Variants in NTRK2 observed in about 807,000 individuals in gnomAD.
NTRK2 encodes the protein BDNF/NT-3 growth factors receptor.
A neutral mutation model predicts 94.5 loss-of-function variants in NTRK2; 13 were observed. That is an observed-to-expected ratio of 0.14 (90% CI 0.09 to 0.22). The LOEUF (loss-of-function observed/expected upper bound fraction) is 0.22. NTRK2 is among the 10% of genes least tolerant of loss of function. NTRK2 has a pLI of 1.00. For missense variants in NTRK2, 639 were observed against 1,071.2 expected, an observed-to-expected ratio of 0.60 and a Z score of 5.63; for synonymous variants, 372 against 407.4, an observed-to-expected ratio of 0.91 and a Z score of 1.05.
At chr9:84,709,336 A>G (rs766575361) in intron 5 of NTRK2, among the ~76,000 whole-genome samples, 9 of 152,180 alleles carry the variant, frequency 5.9e-5, no homozygotes, top group Non-Finnish European at 1.0e-4. Context: ...TGAGTTAATG[A>G]TATCTTCTTT....
At chr9:84,881,883 G>A (rs560881026) in intron 14 of NTRK2, among the ~76,000 whole-genome samples, 19 of 152,268 alleles carry the variant, frequency 1.2e-4, no homozygotes, top group Non-Finnish European at 8.8e-5. Context: ...AAAGCTTTAT[G>A]TTTTGTATTA....
intron 14 of NTRK2, among the ~76,000 whole-genome samples, chr9:84,884,148 A>G (rs1383684933): frequency 6.6e-6 from 1 of 152,250 alleles, no homozygotes; most frequent in Non-Finnish European, 1.5e-5. Flanking sequence ...CTACATAATG[A>G]ATTCTGCTTC....
At position 84,813,314 on chromosome 9, in the gene NTRK2, T is replaced by A. The variant is rs41277889; in HGVS notation, c.1397-47726T>A. ...TAGGTTTCCAAATCTTGTGATTCTT[T>A]AGGAGAAACATGAAACCTGGATTTC... is the stretch of plus-strand genomic sequence containing the variant. On this transcript the variant is annotated intron_variant, in intron 12 of 18. Transcript: ENST00000277120. 3,404 of 1,018,918 alleles carry A rather than the reference T, an allele frequency of 3.3e-3. 7 individuals are homozygous for A. The highest frequency in any genetic ancestry group is 3.3e-3 in the Non-Finnish European group (2,784 of 839,478). 63.1% of individuals were successfully genotyped at this position (1,018,918 alleles called of 1,614,324 possible). A position where few individuals can be genotyped will look rare whatever the true frequency, so the allele number is the denominator to read the frequency against.
intron 17 of NTRK2, among the ~76,000 whole-genome samples, chr9:85,018,017 A>AT (rs370393123): frequency 1.9e-3 from 290 of 150,294 alleles, no homozygotes; most frequent in African/African-American, 5.8e-3. Flanking sequence ...CATCTTACCC[A>AT]TTTTTTTTTG....
At chr9:85,010,884 G>T (rs1421386087) in intron 17 of NTRK2, among the ~76,000 whole-genome samples, 1 of 152,122 alleles carries the variant, frequency 6.6e-6, no homozygotes, top group Non-Finnish European at 1.5e-5. Flanking sequence ...TTTAAATTGT[G>T]TACAGTATAC....
chr9:85,004,019 GAGAA>G lies in NTRK2; in HGVS notation c.2173-16175_2173-16172del, dbSNP rs1216247752. 9.9e-4 allele frequency among the ~76,000 whole-genome samples: 48 copies of G among 48,408 alleles called. 4 individuals are homozygous for G. Among genetic ancestry groups the G allele is most frequent in the African/African-American group, 1.8e-3 (19 of 10,616 alleles). The allele number at this position is 48,408 out of a possible 152,430, so 31.8% of individuals were successfully genotyped here. On this transcript the variant is annotated intron_variant, in intron 17 of 18. Coordinates refer to ENST00000277120, the MANE Select transcript of NTRK2 (RefSeq NM_006180.6). ...AAGAAAGAAAGAAAGAAAAGAAAGA[GAGAA>G]AGAAAGAAAGAGAGAAAGAAAGGGA...
chr9:84,903,565 A>G (rs2076992939), intron 14 of NTRK2, among the ~76,000 whole-genome samples: 1 of 152,188 alleles, frequency 6.6e-6, no homozygotes, highest in African/African-American at 2.4e-5. Context: ...TTTCAATAGG[A>G]AAGGAGGCCA....
intron 17 of NTRK2, among the ~76,000 whole-genome samples, chr9:84,984,983 G>A (rs943349336): frequency 6.6e-6 from 1 of 152,202 alleles, no homozygotes; most frequent in African/African-American, 2.4e-5. Context: ...TATAGACTAT[G>A]AGTGTGACTT....
intron 17 of NTRK2, among the ~76,000 whole-genome samples, chr9:84,972,578 G>A (rs1274653125): frequency 2.0e-5 from 3 of 152,160 alleles, no homozygotes; most frequent in Non-Finnish European, 4.4e-5. Flanking sequence ...ATGCTCAAAT[G>A]TGTTATATAC....
At position 84,923,811 on chromosome 9, in the gene NTRK2, G is replaced by A. The variant is rs146633037; in HGVS notation, c.1634-10351G>A. Among the ~76,000 whole-genome samples the A allele has an allele frequency of 2.2e-3, 333 of 152,096 alleles. 2 individuals are homozygous for A. Among genetic ancestry groups the A allele is most frequent in the Middle Eastern group, 0.02 (6 of 294 alleles). On this transcript the variant is annotated intron_variant, in intron 14 of 18. Coordinates refer to ENST00000277120, the MANE Select transcript of NTRK2 (RefSeq NM_006180.6). Reference sequence around the variant, plus strand: ...CACACCTAAAAAATCCCAATTACTCGGGAGGTTGAGCCCGGGAGGCGGAGG... The same window carrying A: ...CACACCTAAAAAATCCCAATTACTCAGGAGGTTGAGCCCGGGAGGCGGAGG...
chr9:84,893,094 C>A lies in NTRK2; in HGVS notation c.1633+25663C>A, dbSNP rs1007298226. ...TACTATTCTATGAGCTTGGTGAATA[C>A]ATGTTCCTGTGTAACCATAACCCCT... On this transcript the variant is annotated intron_variant, in intron 14 of 18. Transcript: ENST00000277120. 4.6e-5 allele frequency among the ~76,000 whole-genome samples: 7 copies of A among 152,144 alleles called. No individual in the cohort carries two copies. In the South Asian group the frequency reaches 6.2e-4, roughly 14 times the overall value.
intron 14 of NTRK2, among the ~76,000 whole-genome samples, chr9:84,926,165 C>G (rs201414565): frequency 2.0e-3 from 98 of 48,420 alleles, no homozygotes; most frequent in African/African-American, 6.1e-3. Context: ...TTCCTTCCTT[C>G]CTTCCTTTCT....
chr9:85,018,691 T>C (rs1005282172), intron 17 of NTRK2, among the ~76,000 whole-genome samples: 9 of 152,232 alleles, frequency 5.9e-5, no homozygotes, highest in African/African-American at 1.9e-4. Flanking sequence ...ACTACCCACA[T>C]CCTTTCTGGT....
At chr9:84,958,351 T>C (rs572245349) in intron 17 of NTRK2, among the ~76,000 whole-genome samples, 1 of 152,372 alleles carries the variant, frequency 6.6e-6, no homozygotes, top group South Asian at 2.1e-4. Context: ...CGGTCATTTA[T>C]TTACACATTG....
chr9:84,709,959 CTCTG>C (rs1268457228), intron 5 of NTRK2, among the ~76,000 whole-genome samples: 4,321 of 116,414 alleles, frequency 0.037, 109 homozygotes, highest in African/African-American at 0.072. Context: ...GAATAGCTTG[CTCTG>C]TGTGTGTGTG....
rs890190249 is a variant in NTRK2, at chr9:84,833,097, G to T, written c.1397-27943G>T. ...GTGCATATTCTTGGGCCTCATTGGT[G>T]GTGGTGGTGGTGGTGGTGGTGGGTG... On this transcript the variant is annotated intron_variant, in intron 12 of 18. Transcript: ENST00000277120. Among the ~76,000 whole-genome samples the T allele has an allele frequency of 2.0e-5, 3 of 149,288 alleles. No individual in the cohort carries two copies. In the East Asian group the frequency reaches 5.9e-4, roughly 30 times the overall value.
chr9:84,850,064 CA>C (rs1326129965), intron 12 of NTRK2, among the ~76,000 whole-genome samples: 1 of 151,946 alleles, frequency 6.6e-6, no homozygotes, highest in Non-Finnish European at 1.5e-5. Flanking sequence ...TCATAAGAGA[CA>C]AAAAGCCCAA....
intron 12 of NTRK2, among the ~76,000 whole-genome samples, chr9:84,840,265 C>CTTTTTTTT (rs1158579395): frequency 2.0e-5 from 2 of 101,858 alleles, no homozygotes; most frequent in Non-Finnish European, 4.0e-5. Flanking sequence ...ATTGACAATT[C>CTTTTTTTT]TTTTTTTTTT....
intron 16 of NTRK2, among the ~76,000 whole-genome samples, chr9:84,952,138 A>G (rs1204429371): frequency 6.6e-6 from 1 of 152,244 alleles, no homozygotes; most frequent in Non-Finnish European, 1.5e-5. Context: ...GGTATAAACC[A>G]TCCTTGCCGT....
Sources: gnomAD v4.1 joint callset for allele counts (sites outside exome capture counted in the v4.1 genomes callset) on GRCh38, gnomAD v4.1.1 for gene constraint, MANE v1.5 for transcripts, NCBI Gene and HGNC (gene_info 2026-07-23, HGNC 2026-07-21) for gene names.